The following FANCA variants were observed in gnomAD, a reference collection of about 807,000 sequenced individuals.
FANCA encodes FA complementation group A, also known as Fanconi anemia group A protein.
Under a neutral mutation model 194.3 loss-of-function variants are expected in FANCA, and 236 were observed. The observed-to-expected ratio is 1.21, with a 90% CI of 1.09 to 1.35. The LOEUF is 1.35. Among genes scored for constraint, FANCA ranks in the 40% most tolerant of loss-of-function variants. The pLI, the probability that FANCA is intolerant of heterozygous loss-of-function variation, is 0.00. For missense variants in FANCA, 2,628 were observed against 1,813.9 expected (o/e 1.45, Z -8.15); for synonymous variants, 1,014 against 715.8 (o/e 1.42, Z -6.65).
chr16:89,760,345 C>G (rs941471956), intron 29 of FANCA, among the ~76,000 whole-genome samples: 1 of 152,240 alleles, frequency 6.6e-6, no homozygotes, highest in Non-Finnish European at 1.5e-5. Context: ...CTATGTTTTC[C>G]TTTTCCTATT....
At chr16:89,791,560 C>T in intron 13 of FANCA, 24 bp from the exon 14 acceptor site, 1 of 1,613,426 alleles carries the variant, frequency 6.2e-7, no homozygotes. Context: ...ATGACATAGT[C>T]ACAGCAAGGC....
chr16:89,758,813 C>G (rs2038848565), intron 29 of FANCA, 108 bp from the exon 30 acceptor site: 1 of 1,557,976 alleles, frequency 6.4e-7, no homozygotes, highest in Non-Finnish European at 8.8e-7. Flanking sequence ...CTAGTGAGAG[C>G]TGGGTTGAGA....
At chr16:89,754,369 T>C (rs556203743) in intron 30 of FANCA, among the ~76,000 whole-genome samples, 1 of 152,232 alleles carries the variant, frequency 6.6e-6, no homozygotes, top group South Asian at 2.1e-4. Context: ...TATATGATCT[T>C]TCTTTTGTTT....
At chr16:89,797,002 T>C (rs1335311604) in intron 10 of FANCA, among the ~76,000 whole-genome samples, 1 of 149,714 alleles carries the variant, frequency 6.7e-6, no homozygotes, top group Non-Finnish European at 1.5e-5. Flanking sequence ...ACTAAAAAAA[T>C]AGAAAAAATT....
rs2143525674 is a variant in FANCA at position 89,791,416 on chromosome 16, G to A, written c.1346C>T (p.Ala449Val). The change falls in exon 14 of 43, where the codon GCA becomes GTA. Residue 449 changes from alanine to valine, a missense_variant. Ala to Val is a moderately conservative substitution (Grantham distance 64, BLOSUM62 0). Transcript: ENST00000389301. ...LEGPSAFLSYADWFKASFGST... is the reference protein window; with the variant it reads ...LEGPSAFLSYVDWFKASFGST... The stretch of plus-strand genomic sequence containing the variant: ...CAGGTCACTTACCTTGAACCAGTCT[G>A]CATATGACAGGAACGCAGAGGGGCC... 6.2e-7 allele frequency: 1 copy of A among 1,614,010 alleles called. No individual in the cohort carries two copies. The highest frequency in any genetic ancestry group is 8.5e-7 in the Non-Finnish European group (1 of 1,179,948).
intron 31 of FANCA, among the ~76,000 whole-genome samples, chr16:89,751,846 C>T (rs1361983100): frequency 5.3e-5 from 8 of 151,904 alleles, no homozygotes; most frequent in Admixed American, 5.3e-4. Flanking sequence ...TCTCGGCTCA[C>T]TGCAAGCTCC....
intron 37 of FANCA, among the ~76,000 whole-genome samples, chr16:89,741,801 C>G (rs1309409407): frequency 6.6e-6 from 1 of 152,290 alleles, no homozygotes; most frequent in East Asian, 1.9e-4. Flanking sequence ...CTGGGGCTGT[C>G]CCTCAGCACA....
rs68096047 is a variant in FANCA at position 89,789,306 on chromosome 16, T to TG, written c.1359+2096dup. Reference sequence around the variant, plus strand: ...TGCAGCCTCAGCTCCTCAGAAGGCCTGGGGGGGGAGCAGGCACCGCAGCCA... The same window carrying TG: ...TGCAGCCTCAGCTCCTCAGAAGGCCTGGGGGGGGGAGCAGGCACCGCAGCCA... On this transcript the variant is annotated intron_variant, in intron 14 of 42. Coordinates refer to ENST00000389301, the MANE Select transcript of FANCA (RefSeq NM_000135.4). Among the ~76,000 whole-genome samples, 709 of 119,978 alleles carry TG rather than the reference T, an allele frequency of 5.9e-3. 4 individuals carry two copies. The highest frequency in any genetic ancestry group is 0.022 in the African/African-American group (637 of 29,314). The allele number at this position is 119,978 out of a possible 152,430, so 78.7% of individuals were successfully genotyped here. A position where few individuals can be genotyped will look rare whatever the true frequency, so the allele number is the denominator to read the frequency against.
Position 89,769,820 on chromosome 16 carries a change from G to A in FANCA, c.2504+17C>T, listed in dbSNP as rs748067308. ...GAGAGAGAGGAGAGAAGACGCGACT[G>A]TGGAAGAAGAGCTCACTTCAGGCAG... On this transcript the variant is annotated intron_variant, in intron 26 of 42. Transcript: ENST00000389301. 6.2e-6 allele frequency: 10 copies of A among 1,613,832 alleles called. No individual in the cohort carries two copies. In the Admixed American group the frequency reaches 1.0e-4, roughly 16 times the overall value.
chr16:89,785,510 G>A (rs2039866983), intron 14 of FANCA, among the ~76,000 whole-genome samples: 1 of 152,188 alleles, frequency 6.6e-6, no homozygotes, highest in Non-Finnish European at 1.5e-5. Context: ...AGACAATGAA[G>A]CTGCAAGACC....
chr16:89,739,790 G>T, intron 39 of FANCA: 4 of 1,467,006 alleles, frequency 2.7e-6, no homozygotes, highest in Non-Finnish European at 3.6e-6. Context: ...CCCATGATAG[G>T]CCCATTGGTC....
At chr16:89,785,005 G>T (rs375881930) in intron 14 of FANCA, 41 bp from the exon 15 acceptor site, 1 of 1,452,838 alleles carries the variant, frequency 6.9e-7, no homozygotes, top group Non-Finnish European at 9.7e-7. Flanking sequence ...ACAGCCAGGC[G>T]CGGCTGCACC....
chr16:89,746,374 G>C (rs2038389356), intron 35 of FANCA, among the ~76,000 whole-genome samples: 1 of 152,324 alleles, frequency 6.6e-6, no homozygotes, highest in South Asian at 2.1e-4. Context: ...GGTGACGGCG[G>C]TGGGGGCAGG....
At chr16:89,813,208 A>G (rs2143701156) in intron 3 of FANCA, among the ~76,000 whole-genome samples, 1 of 151,974 alleles carries the variant, frequency 6.6e-6, no homozygotes, top group East Asian at 1.9e-4. Context: ...TGAGCTCAGG[A>G]GTTTGAGACC....
chr16:89,764,630 C>T (rs1303660543), intron 28 of FANCA, among the ~76,000 whole-genome samples: 1 of 152,198 alleles, frequency 6.6e-6, no homozygotes, highest in Non-Finnish European at 1.5e-5. Context: ...AAGAGCTGCA[C>T]ATGAGGCCAC....
chr16:89,784,509 C>T (rs920821270), intron 15 of FANCA, among the ~76,000 whole-genome samples: 1 of 151,360 alleles, frequency 6.6e-6, no homozygotes, highest in Admixed American at 6.6e-5. Flanking sequence ...GTGCTGAGAA[C>T]GTCTCTCCAC....
At chr16:89,759,972 TCCACCCACGCTGTCCGGGACCG>T (rs2038897120) in intron 29 of FANCA, among the ~76,000 whole-genome samples, 1 of 151,872 alleles carries the variant, frequency 6.6e-6, no homozygotes, top group East Asian at 1.9e-4. Context: ...ACCGGGGTGC[TCCACCCACGCTGTCCGGGACCG>T]GGGTGCTCCA....
At chr16:89,752,938 G>A (rs998399252) in intron 30 of FANCA, among the ~76,000 whole-genome samples, 3 of 152,158 alleles carry the variant, frequency 2.0e-5, no homozygotes, top group South Asian at 4.1e-4. Context: ...ACCTCTTGTG[G>A]AGGGCCTGAC....
At chr16:89,799,789 C>T (rs900112251) in intron 8 of FANCA, 151 bp from the exon 9 acceptor site, 10 of 691,978 alleles carry the variant, frequency 1.4e-5, no homozygotes, top group South Asian at 4.5e-5. Context: ...GTCAGGAGAT[C>T]GAGACCATCC....
Sources: gnomAD v4.1 joint callset for allele counts (sites outside exome capture counted in the v4.1 genomes callset) on GRCh38, gnomAD v4.1.1 for gene constraint, MANE v1.5 for transcripts, NCBI Gene and HGNC (gene_info 2026-07-23, HGNC 2026-07-21) for gene names.